Variants in AKAP12 observed in about 807,000 individuals in gnomAD.
AKAP12 encodes A-kinase anchor protein 12.
AKAP12 carries 32 observed loss-of-function variants against 79.9 expected under a neutral mutation model. The observed-to-expected ratio is 0.40, with a 90% CI of 0.30 to 0.54. The LOEUF (loss-of-function observed/expected upper bound fraction) is 0.54, where lower values mean the gene tolerates loss of function less well. Among genes scored for constraint, AKAP12 ranks in the 20% least tolerant of loss-of-function variants. The pLI, the probability that AKAP12 is intolerant of heterozygous loss-of-function variation, is 0.48. For missense variants in AKAP12, 2,074 were observed against 2,177.0 expected (o/e 0.95, Z 0.94); for synonymous variants, 808 against 857.0 (o/e 0.94, Z 1.00).
At chr6:151,268,462 A>G (rs967507298) in intron 2 of AKAP12, among the ~76,000 whole-genome samples, 2 of 152,182 alleles carry the variant, frequency 1.3e-5, no homozygotes, top group African/African-American at 4.8e-5. Context: ...GTTCTCAAAT[A>G]TATGTATTTA....
chr6:151,273,506 A>G (rs554547739), intron 2 of AKAP12, among the ~76,000 whole-genome samples: 68 of 152,180 alleles, frequency 4.5e-4, no homozygotes, highest in East Asian at 7.7e-4. Context: ...ATATTTCTCC[A>G]TCTGGCATTC....
rs759900038 is a variant in AKAP12 at position 151,351,307 on chromosome 6, C to A, written c.2916C>A (p.Thr972=). 1.2e-6 allele frequency: 2 copies of A among 1,614,036 alleles called. No homozygotes were observed. The highest frequency in any genetic ancestry group is 1.3e-5 in the African/African-American group (1 of 74,910). ...GDTVVSEAEL[T]PEAVTAAETA... ...CGGTCGTTAGTGAGGCGGAATTGAC[C>A]CCCGAAGCTGTGACAGCTGCAGAAA... Residue 972 remains threonine, a synonymous_variant, in exon 4 of 5, where the codon ACC becomes ACA. Transcript: ENST00000402676. This position sits in a 1 kb window ranked among gnomAD's most constrained non-coding sequence, Gnocchi z 4.4.
intron 2 of AKAP12, among the ~76,000 whole-genome samples, chr6:151,294,616 T>C (rs879717128): frequency 6.6e-6 from 1 of 152,184 alleles, no homozygotes; most frequent in Admixed American, 6.5e-5. Context: ...ATTGCTGTCA[T>C]TGGTAGGTGG....
rs148660207 is a variant in AKAP12 at position 151,243,551 on chromosome 6, A to T, written c.162+2827A>T. 3.5e-3 allele frequency among the ~76,000 whole-genome samples: 531 copies of T among 152,364 alleles called. 5 individuals carry two copies. The Middle Eastern group carries it at 0.044, about 13-fold the overall frequency. ...GCTTAACGTTTAGATGCACTAAAGC[A>T]GAAGTCTTGGTTTTATCTATGGTTC... On this transcript the variant is annotated intron_variant, in intron 2 of 4. Transcript: ENST00000402676.
chr6:151,332,033 G>GTTTTTTTTTTTTT (rs71014573), intron 3 of AKAP12, among the ~76,000 whole-genome samples: 2 of 79,690 alleles, frequency 2.5e-5, no homozygotes, highest in African/African-American at 1.1e-4. Flanking sequence ...TTCTGGGTCT[G>GTTTTTTTTTTTTT]TTTTTTTTTT....
At chr6:151,326,325 C>T (rs1044769323) in intron 3 of AKAP12, among the ~76,000 whole-genome samples, 1 of 152,066 alleles carries the variant, frequency 6.6e-6, no homozygotes, top group Non-Finnish European at 1.5e-5. Flanking sequence ...GGGCAAATTA[C>T]AAGTGTTTGC....
intron 3 of AKAP12, among the ~76,000 whole-genome samples, chr6:151,307,081 G>A (rs948906899): frequency 6.6e-6 from 1 of 152,236 alleles, no homozygotes; most frequent in Admixed American, 6.5e-5. Flanking sequence ...AGGTGGAGCA[G>A]TCACTTGAGG....
intron 2 of AKAP12, among the ~76,000 whole-genome samples, chr6:151,293,302 G>A (rs1454995654): frequency 6.6e-6 from 1 of 152,252 alleles, no homozygotes; most frequent in African/African-American, 2.4e-5. Flanking sequence ...TTGCACGTAT[G>A]CTGTAGATAA....
intron 2 of AKAP12, among the ~76,000 whole-genome samples, chr6:151,298,548 C>T (rs1315741637): frequency 6.6e-6 from 1 of 152,118 alleles, no homozygotes; most frequent in African/African-American, 2.4e-5. Context: ...AATCCCAACA[C>T]TTTGGGAAGC....
chr6:151,252,953 G>C (rs768675322), intron 2 of AKAP12, among the ~76,000 whole-genome samples: 4 of 152,150 alleles, frequency 2.6e-5, no homozygotes, highest in Non-Finnish European at 4.4e-5. Flanking sequence ...TCCCTCCAGA[G>C]AAGACATTTT....
intron 2 of AKAP12, among the ~76,000 whole-genome samples, chr6:151,241,826 CAAAA>C (rs59482970): frequency 1.2e-4 from 15 of 123,882 alleles, no homozygotes; most frequent in Admixed American, 3.9e-4. Context: ...TTACAATATG[CAAAA>C]AAAAAAAAAA....
At chr6:151,321,907 T>TGTTTTTTG (rs1562737994) in intron 3 of AKAP12, among the ~76,000 whole-genome samples, 4 of 143,976 alleles carry the variant, frequency 2.8e-5, no homozygotes, top group African/African-American at 1.1e-4. Flanking sequence ...CTTTATGTTT[T>TGTTTTTTG]TTTTTTTTTT....
At chr6:151,313,903 T>C (rs1201737814) in intron 3 of AKAP12, among the ~76,000 whole-genome samples, 1 of 152,146 alleles carries the variant, frequency 6.6e-6, no homozygotes, top group African/African-American at 2.4e-5. Context: ...TATGACTAGT[T>C]ATATGGGTAC....
At chr6:151,327,117 C>CTT (rs1777549235) in intron 3 of AKAP12, among the ~76,000 whole-genome samples, 4 of 94,422 alleles carry the variant, frequency 4.2e-5, no homozygotes, top group African/African-American at 2.6e-4. Flanking sequence ...ACCTGGCCTA[C>CTT]ATTTTTTTTT....
chr6:151,243,576 C>T (rs1797017026), intron 2 of AKAP12, among the ~76,000 whole-genome samples: 2 of 152,132 alleles, frequency 1.3e-5, no homozygotes. Context: ...ATCTATGGTT[C>T]ATTTCTGTAA....
chr6:151,352,609 A>G lies in AKAP12; in HGVS notation c.4218A>G (p.Val1406=), dbSNP rs968373467. The G allele has an allele frequency of 1.2e-6, 2 of 1,614,064 alleles. No homozygotes were observed. Among genetic ancestry groups the G allele is most frequent in the African/African-American group, 1.3e-5 (1 of 74,914 alleles). The part of the protein sequence containing the change: ...PPPCLGQEEA[V]CTKIQVQSSE... ...CCTGCCTAGGTCAAGAGGAGGCAGT[A>G]TGCACCAAAATTCAAGTTCAGAGCT... The change falls in exon 4 of 5, where the codon GTA becomes GTG. Residue 1406 remains valine (V), a synonymous_variant. Coordinates refer to ENST00000402676, the MANE Select transcript of AKAP12 (RefSeq NM_005100.4).
chr6:151,275,725 C>T (rs1776280696), intron 2 of AKAP12, among the ~76,000 whole-genome samples: 1 of 152,178 alleles, frequency 6.6e-6, no homozygotes, highest in African/African-American at 2.4e-5. Flanking sequence ...TATTTTCCTA[C>T]CATCTGTTGT....
At chr6:151,259,960 A>G (rs941262156) in intron 2 of AKAP12, among the ~76,000 whole-genome samples, 2 of 151,302 alleles carry the variant, frequency 1.3e-5, no homozygotes, top group Admixed American at 1.3e-4. Flanking sequence ...ATGGGATTGG[A>G]TGAGCCAATT....
At chr6:151,282,488 T>C (rs767995667) in intron 2 of AKAP12, among the ~76,000 whole-genome samples, 8 of 152,138 alleles carry the variant, frequency 5.3e-5, no homozygotes, top group Non-Finnish European at 1.0e-4. Context: ...CCAAAACAAA[T>C]GTGCTGTAGC....
Sources: allele counts gnomAD v4.1 joint callset (sites outside exome capture counted in the v4.1 genomes callset), GRCh38; gene constraint gnomAD v4.1.1; non-coding constraint Gnocchi (gnomAD v3.1); transcripts MANE v1.5; gene names NCBI Gene and HGNC (gene_info 2026-07-23, HGNC 2026-07-21).